SLC4A10: variants seen among roughly 807,000 people sequenced by gnomAD.
The protein encoded by SLC4A10 is sodium-driven chloride bicarbonate exchanger.
In SLC4A10, 42 loss-of-function variants were observed where a neutral mutation model predicts 137.7. The observed-to-expected ratio is 0.30, with a 90% CI of 0.24 to 0.39. The LOEUF (loss-of-function observed/expected upper bound fraction) is 0.39, where lower values mean the gene tolerates loss of function less well. Ranked by LOEUF, SLC4A10 falls within the 10% of genes least tolerant of loss-of-function variation. The pLI, the probability that SLC4A10 is intolerant of heterozygous loss-of-function variation, is 1.00. For synonymous variants in SLC4A10, 474 were observed against 464.1 expected, an observed-to-expected ratio of 1.02 and a Z score of -0.27; for missense variants, 925 against 1,355.0, an observed-to-expected ratio of 0.68 and a Z score of 4.98.
At chr2:161,947,487 A>G (rs1694038517) in intron 16 of SLC4A10, 79 bp from the exon 17 acceptor site, 1 of 1,418,954 alleles carries the variant, frequency 7.0e-7, no homozygotes, top group South Asian at 1.4e-5. Context: ...ACTACAATTG[A>G]TCAGAAGGTG....
intron 1 of SLC4A10, among the ~76,000 whole-genome samples, chr2:161,630,454 G>T (rs560878303): frequency 6.6e-6 from 1 of 151,606 alleles, no homozygotes; most frequent in South Asian, 2.1e-4. Context: ...TATATATTTT[G>T]ACCACAGGAT....
chr2:161,744,068 C>A (rs2048176309), intron 1 of SLC4A10, among the ~76,000 whole-genome samples: 1 of 152,010 alleles, frequency 6.6e-6, no homozygotes, highest in South Asian at 2.1e-4. Context: ...ATAAAATAAT[C>A]TGCAAAGAAG....
intron 1 of SLC4A10, among the ~76,000 whole-genome samples, chr2:161,636,167 T>C (rs908907787): frequency 9.9e-5 from 15 of 152,172 alleles, no homozygotes; most frequent in African/African-American, 3.6e-4. Context: ...TTTTTGAAAT[T>C]CATGCAAATT....
At chr2:161,904,298 C>A in intron 13 of SLC4A10, 120 bp downstream of exon 13, 1 of 1,052,604 alleles carries the variant, frequency 9.5e-7, no homozygotes. Flanking sequence ...TATGGTCTGG[C>A]AGATACACCT....
chr2:161,765,571 T>G (rs892887640), intron 1 of SLC4A10, among the ~76,000 whole-genome samples: 1 of 145,672 alleles, frequency 6.9e-6, no homozygotes, highest in Non-Finnish European at 1.5e-5. Context: ...GCTGAGATCA[T>G]GCCACTGTAC....
At chr2:161,859,491 C>T (rs1228506125) in intron 5 of SLC4A10, among the ~76,000 whole-genome samples, 1 of 151,126 alleles carries the variant, frequency 6.6e-6, no homozygotes, top group African/African-American at 2.4e-5. Flanking sequence ...GGGGATTCAC[C>T]ACGTTGGACA....
intron 1 of SLC4A10, among the ~76,000 whole-genome samples, chr2:161,741,289 TAC>T (rs1338210045): frequency 1.4e-5 from 2 of 145,416 alleles, no homozygotes; most frequent in African/African-American, 2.5e-5. Flanking sequence ...ACCTATCCAC[TAC>T]AGTCCTCCGC....
At chr2:161,902,598 G>A (rs1683366743) in intron 12 of SLC4A10, among the ~76,000 whole-genome samples, 1 of 152,044 alleles carries the variant, frequency 6.6e-6, no homozygotes, top group African/African-American at 2.4e-5. Flanking sequence ...TTATTCAATT[G>A]AAGTTTCATT....
intron 1 of SLC4A10, among the ~76,000 whole-genome samples, chr2:161,745,354 G>C (rs765942670): frequency 1.3e-5 from 2 of 152,032 alleles, no homozygotes; most frequent in Non-Finnish European, 2.9e-5. Context: ...AGAGACTCTC[G>C]TGTTCTTCAG....
chr2:161,741,138 A>G (rs1194619884), intron 1 of SLC4A10, among the ~76,000 whole-genome samples: 1 of 151,682 alleles, frequency 6.6e-6, no homozygotes, highest in Non-Finnish European at 1.5e-5. Flanking sequence ...TGTAGTGGGC[A>G]CCTGAAGTTC....
rs892887640 is a variant in SLC4A10, at chr2:161,765,571, T to C, written c.49-5402T>C. Reference sequence around the variant, plus strand: ...CAGAGGTTGCAGTGAGCTGAGATCATGCCACTGTACTCCAGCCTGAGTGAC... The same window carrying C: ...CAGAGGTTGCAGTGAGCTGAGATCACGCCACTGTACTCCAGCCTGAGTGAC... On this transcript the variant is annotated intron_variant, in intron 1 of 26. Transcript: ENST00000446997. 1.0e-4 allele frequency among the ~76,000 whole-genome samples: 15 copies of C among 145,756 alleles called. No homozygotes were observed. In the South Asian group the frequency reaches 3.2e-3, roughly 31 times the overall value.
At chr2:161,769,493 C>T (rs2125410412) in intron 1 of SLC4A10, among the ~76,000 whole-genome samples, 1 of 151,964 alleles carries the variant, frequency 6.6e-6, no homozygotes, top group South Asian at 2.1e-4. Context: ...AAGGCAAGAA[C>T]TATATCCTCT....
chr2:161,849,456 A>G (rs35826432), intron 4 of SLC4A10, among the ~76,000 whole-genome samples: 80,042 of 151,796 alleles, frequency 0.53, 21,763 homozygotes, highest in East Asian at 0.85. Context: ...GAATGGTGAG[A>G]GTGGGCATCC....
chr2:161,683,271 GT>G (rs1431136801), intron 1 of SLC4A10, among the ~76,000 whole-genome samples: 8 of 152,180 alleles, frequency 5.3e-5, no homozygotes, highest in Admixed American at 1.3e-4. Flanking sequence ...ACTGCGTTTA[GT>G]TTACTAGCCC....
At chr2:161,881,652 G>T (rs1442865889) in intron 9 of SLC4A10, among the ~76,000 whole-genome samples, 1 of 152,000 alleles carries the variant, frequency 6.6e-6, no homozygotes, top group African/African-American at 2.4e-5. Context: ...CAGAAGGATT[G>T]ACCTTCTCAG....
At chr2:161,637,358 C>T (rs1052510941) in intron 1 of SLC4A10, among the ~76,000 whole-genome samples, 2 of 151,590 alleles carry the variant, frequency 1.3e-5, no homozygotes, top group African/African-American at 4.8e-5. Context: ...GCCACCACTC[C>T]CAGTAATTTT....
intron 3 of SLC4A10, among the ~76,000 whole-genome samples, chr2:161,822,864 A>C (rs1308516376): frequency 6.6e-6 from 1 of 152,166 alleles, no homozygotes; most frequent in Non-Finnish European, 1.5e-5. Context: ...AGTCCCAGCT[A>C]TTTGGGAGCC....
At chr2:161,627,716 C>G (rs2032709023) in intron 1 of SLC4A10, among the ~76,000 whole-genome samples, 1 of 152,016 alleles carries the variant, frequency 6.6e-6, no homozygotes, top group Admixed American at 6.6e-5. Flanking sequence ...TCTAATCACT[C>G]CAAGGGTTAG....
At chr2:161,903,900 G>T in intron 12 of SLC4A10, 104 bp from the exon 13 acceptor site, 1 of 1,177,048 alleles carries the variant, frequency 8.5e-7, no homozygotes. Context: ...CACCTCTGCT[G>T]ATGGAAAACG....
Sources: allele counts gnomAD v4.1 joint callset (sites outside exome capture counted in the v4.1 genomes callset), GRCh38; gene constraint gnomAD v4.1.1; transcripts MANE v1.5; gene names NCBI Gene and HGNC (gene_info 2026-07-23, HGNC 2026-07-21).